LRRC4C: variants seen among roughly 807,000 people sequenced by gnomAD.
LRRC4C encodes the protein leucine rich repeat containing 4C.
A neutral mutation model predicts 33.6 loss-of-function variants in LRRC4C; 5 were observed. The observed-to-expected ratio is 0.15, with a 90% CI of 0.08 to 0.31. LRRC4C has a LOEUF of 0.31. LRRC4C is among the 10% of genes least tolerant of loss of function. LRRC4C has a pLI of 1.00. For missense variants in LRRC4C, 560 were observed against 796.7 expected, an observed-to-expected ratio of 0.70 and a Z score of 3.58; for synonymous variants, 329 against 302.0, an observed-to-expected ratio of 1.09 and a Z score of -0.93.
At chr11:40,922,663 A>T (rs1344666020) in intron 2 of LRRC4C, among the ~76,000 whole-genome samples, 2 of 152,304 alleles carry the variant, frequency 1.3e-5, no homozygotes, top group East Asian at 3.9e-4. Flanking sequence ...CAATAACTTT[A>T]TACTCTTCTT....
At chr11:40,470,082 G>A (rs1386335181) in intron 3 of LRRC4C, among the ~76,000 whole-genome samples, 3 of 152,224 alleles carry the variant, frequency 2.0e-5, no homozygotes, top group African/African-American at 7.2e-5. Flanking sequence ...CATGCCTCCT[G>A]ACTAGGAGAT....
chr11:41,451,073 GA>G (rs1428252523), intron 1 of LRRC4C, among the ~76,000 whole-genome samples: 2 of 152,098 alleles, frequency 1.3e-5, no homozygotes, highest in Non-Finnish European at 2.9e-5. Flanking sequence ...ACATTTGAGG[GA>G]AAAATCGGAT....
intron 1 of LRRC4C, among the ~76,000 whole-genome samples, chr11:41,342,454 C>A (rs1415203540): frequency 6.6e-6 from 1 of 152,188 alleles, no homozygotes; most frequent in Admixed American, 6.5e-5. Context: ...GTGGCTCTCA[C>A]CCATAATCAT....
chr11:41,338,976 C>T (rs1288022463), intron 1 of LRRC4C, among the ~76,000 whole-genome samples: 3 of 151,964 alleles, frequency 2.0e-5, no homozygotes, highest in African/African-American at 7.3e-5. Context: ...ACGAATAATA[C>T]AACTAAAAGA....
intron 3 of LRRC4C, among the ~76,000 whole-genome samples, chr11:40,507,738 ATT>A (rs5791383): frequency 0.25 from 34,271 of 134,956 alleles, 3,793 homozygotes; most frequent in East Asian, 0.54. Flanking sequence ...ACTAGATTTA[ATT>A]TTTTTTTTTT....
chr11:41,313,830 A>C (rs1225568642), intron 1 of LRRC4C, among the ~76,000 whole-genome samples: 1 of 152,184 alleles, frequency 6.6e-6, no homozygotes, highest in African/African-American at 2.4e-5. Flanking sequence ...GCCTGCATAT[A>C]AAAGGAAGGT....
intron 2 of LRRC4C, among the ~76,000 whole-genome samples, chr11:40,929,002 G>T (rs1957503019): frequency 6.6e-6 from 1 of 152,024 alleles, no homozygotes; most frequent in Non-Finnish European, 1.5e-5. Context: ...ATCAAGAACT[G>T]CCTCTTTCCT....
At chr11:40,456,944 C>G (rs899685681) in intron 3 of LRRC4C, among the ~76,000 whole-genome samples, 1 of 151,544 alleles carries the variant, frequency 6.6e-6, no homozygotes, top group African/African-American at 2.4e-5. Context: ...ACTTGAATGG[C>G]TTAAAATTCT....
intron 1 of LRRC4C, among the ~76,000 whole-genome samples, chr11:41,292,329 G>C (rs1950015698): frequency 6.6e-6 from 1 of 152,142 alleles, no homozygotes; most frequent in Admixed American, 6.5e-5. Flanking sequence ...CTACTCTGCA[G>C]CCTGGATCCT....
intron 2 of LRRC4C, among the ~76,000 whole-genome samples, chr11:40,918,902 G>A (rs563846209): frequency 6.6e-6 from 1 of 152,140 alleles, no homozygotes; most frequent in East Asian, 1.9e-4. Flanking sequence ...CCAAACCACT[G>A]AATGTACTTA....
rs754930847 is a variant in LRRC4C, at chr11:41,325,580, TGTG to T, written c.-496+133848_-496+133850del. On this transcript the variant is annotated intron_variant, in intron 1 of 6. Transcript: ENST00000528697. ...TTGTCCTTATAGTTTTTTTTTTTTG[TGTG>T]TGTGTGTGTGTGTGTGTGTGTGTGT... Among the ~76,000 whole-genome samples the T allele has an allele frequency of 5.1e-3, 230 of 45,158 alleles. 4 individuals are homozygous for T. Among genetic ancestry groups the T allele is most frequent in the East Asian group, 0.012 (9 of 766 alleles). The allele number at this position is 45,158 out of a possible 152,430, so 29.6% of individuals were successfully genotyped here. A position where few individuals can be genotyped will look rare whatever the true frequency, so the allele number is the denominator to read the frequency against.
intron 3 of LRRC4C, among the ~76,000 whole-genome samples, chr11:40,432,780 T>C (rs1278513466): frequency 6.6e-6 from 1 of 152,226 alleles, no homozygotes; most frequent in East Asian, 1.9e-4. Flanking sequence ...TTTATGTTCA[T>C]TTTATCAAAA....
intron 3 of LRRC4C, among the ~76,000 whole-genome samples, chr11:40,526,356 A>G (rs1257389121): frequency 1.3e-5 from 2 of 152,154 alleles, no homozygotes; most frequent in Non-Finnish European, 2.9e-5. Context: ...CAACCAGCAT[A>G]CATTAAAAAA....
At chr11:41,383,146 T>G (rs1953222013) in intron 1 of LRRC4C, among the ~76,000 whole-genome samples, 1 of 152,170 alleles carries the variant, frequency 6.6e-6, no homozygotes, top group Admixed American at 6.6e-5. Context: ...CTGCAATTGC[T>G]TATCAGAAAA....
At chr11:40,514,473 G>A (rs972793732) in intron 3 of LRRC4C, among the ~76,000 whole-genome samples, 1 of 151,744 alleles carries the variant, frequency 6.6e-6, no homozygotes, top group African/African-American at 2.4e-5. Flanking sequence ...TCATTTTCTG[G>A]TGTTTTTATG....
At chr11:40,392,578 A>G (rs1465815986) in intron 3 of LRRC4C, among the ~76,000 whole-genome samples, 1 of 152,136 alleles carries the variant, frequency 6.6e-6, no homozygotes, top group East Asian at 1.9e-4. Context: ...AAGACATGGA[A>G]CTTTTCATTT....
At chr11:40,384,847 T>C (rs938440932) in intron 3 of LRRC4C, among the ~76,000 whole-genome samples, 4 of 152,198 alleles carry the variant, frequency 2.6e-5, no homozygotes, top group African/African-American at 9.6e-5. Flanking sequence ...ATTCATTACC[T>C]TCTAGATTCC....
At chr11:40,701,455 T>TA (rs1375448511) in intron 2 of LRRC4C, among the ~76,000 whole-genome samples, 1 of 151,700 alleles carries the variant, frequency 6.6e-6, no homozygotes, top group South Asian at 2.1e-4. Flanking sequence ...GGAAAAAAAA[T>TA]AAAAAACAAT....
rs181368895 is a variant in LRRC4C at position 41,253,432 on chromosome 11, G to A, written c.-496+205999C>T. Among the ~76,000 whole-genome samples the A allele has an allele frequency of 2.7e-4, 41 of 152,070 alleles. 1 individual carries two copies. Among genetic ancestry groups the A allele is most frequent in the Admixed American group, 2.3e-3 (35 of 15,274 alleles). ...TGAAGACCATTTCATATGAGTTCAC[G>A]TTTACTCATATCATGAGTCTGACAA... On this transcript the variant is annotated intron_variant, in intron 1 of 6. Coordinates refer to ENST00000528697, the MANE Select transcript of LRRC4C (RefSeq NM_001258419.2).
Sources: allele counts gnomAD v4.1 joint callset (sites outside exome capture counted in the v4.1 genomes callset), GRCh38; gene constraint gnomAD v4.1.1; transcripts MANE v1.5; gene names NCBI Gene and HGNC (gene_info 2026-07-23, HGNC 2026-07-21).